BLTP1: variants seen among roughly 807,000 people sequenced by gnomAD.
The protein encoded by BLTP1 is bridge-like lipid transfer protein family member 1.
chr4:122,208,989 A>T, the BLTP1 span: 2 of 534,778 alleles, frequency 3.7e-6, no homozygotes, highest in African/African-American at 2.1e-5. Context: ...GACCATTAAA[A>T]AAAAAAAAAA....
chr4:122,162,960 A>T, the BLTP1 span, among the ~76,000 whole-genome samples: 1 of 152,184 alleles, frequency 6.6e-6, no homozygotes, highest in Non-Finnish European at 1.5e-5. Context: ...GCACATATGT[A>T]TGCTCTGGAT....
chr4:122,310,341 C>T, the BLTP1 span, among the ~76,000 whole-genome samples: 1 of 151,882 alleles, frequency 6.6e-6, no homozygotes, highest in Non-Finnish European at 1.5e-5. Context: ...CCCTTTTAGG[C>T]TATTTGCTGG....
chr4:122,358,091 A>G, the BLTP1 span, among the ~76,000 whole-genome samples: 7 of 152,228 alleles, frequency 4.6e-5, no homozygotes, highest in Non-Finnish European at 8.8e-5. Flanking sequence ...ATAAGTAGAT[A>G]AAATCTTCAC....
chr4:122,204,179 C>T, the BLTP1 span, among the ~76,000 whole-genome samples: 5 of 151,802 alleles, frequency 3.3e-5, no homozygotes, highest in South Asian at 1.0e-3. Flanking sequence ...TGAAACAATA[C>T]CAGACATTAT....
the BLTP1 span, among the ~76,000 whole-genome samples, chr4:122,262,276 A>G: frequency 2.0e-5 from 3 of 151,994 alleles, no homozygotes; most frequent in East Asian, 1.9e-4. Flanking sequence ...AGTGATATAA[A>G]TATTTCAGGC....
the BLTP1 span, chr4:122,362,209 G>A: frequency 6.2e-7 from 1 of 1,612,922 alleles, no homozygotes; most frequent in Admixed American, 1.7e-5. Context: ...ACTACAGGAT[G>A]AAAAGGAAAA....
At chr4:122,333,537 T>C in the BLTP1 span, 2 of 1,336,514 alleles carry the variant, frequency 1.5e-6, no homozygotes, top group South Asian at 1.6e-5. Context: ...ATTAGCCCTT[T>C]GTCAGATGAG....
the BLTP1 span, chr4:122,223,184 T>G: frequency 2.1e-6 from 2 of 965,850 alleles, no homozygotes; most frequent in Non-Finnish European, 2.5e-6. Context: ...GTGATTATTG[T>G]AGTCACAATT....
At chr4:122,349,178 A>G in the BLTP1 span, 3 of 1,610,454 alleles carry the variant, frequency 1.9e-6, no homozygotes, top group African/African-American at 1.3e-5. The surrounding 1 kb of genome is among the most constrained non-coding windows in gnomAD (Gnocchi z 4.5). Flanking sequence ...AGTGGTTTGA[A>G]GAGCCAGGGC....
the BLTP1 span, chr4:122,249,442 TTA>T: frequency 1.2e-6 from 2 of 1,601,836 alleles, no homozygotes; most frequent in Non-Finnish European, 1.7e-6. Context: ...TAATGTAAGC[TTA>T]TGTCTTTAAA....
the BLTP1 span, chr4:122,194,739 T>G: frequency 1.3e-6 from 1 of 788,196 alleles, no homozygotes. Context: ...GTATTTTTCA[T>G]AAATTTTAGG....
the BLTP1 span, among the ~76,000 whole-genome samples, chr4:122,206,355 A>G: frequency 6.6e-6 from 1 of 151,950 alleles, no homozygotes; most frequent in South Asian, 2.1e-4. Context: ...AAACAGATAG[A>G]TGATAGAAAG....
the BLTP1 span, chr4:122,305,636 G>A: frequency 1.0e-6 from 1 of 961,626 alleles, no homozygotes. Context: ...TTTAGAATAT[G>A]GACCTCATCC....
chr4:122,265,377 A>G, the BLTP1 span, among the ~76,000 whole-genome samples: 6 of 152,158 alleles, frequency 3.9e-5, no homozygotes. Context: ...TTTAATTGTT[A>G]CATTGTTATA....
chr4:122,267,419 A>G, the BLTP1 span, among the ~76,000 whole-genome samples: 2 of 152,160 alleles, frequency 1.3e-5, no homozygotes, highest in Non-Finnish European at 2.9e-5. Flanking sequence ...AGTAGTAGCC[A>G]CATTTTCTTA....
the BLTP1 span, chr4:122,248,177 G>T: frequency 1.1e-6 from 1 of 935,084 alleles, no homozygotes; most frequent in Non-Finnish European, 1.3e-6. Flanking sequence ...GGTTTTCAAG[G>T]GACTTTTCAT....
At chr4:122,170,048 T>A in the BLTP1 span, 1 of 955,274 alleles carries the variant, frequency 1.0e-6, no homozygotes, top group Non-Finnish European at 1.2e-6. Flanking sequence ...GGCTCACGCA[T>A]GTAATCCCAG....
the BLTP1 span, chr4:122,242,939 G>A: frequency 2.0e-6 from 2 of 1,015,136 alleles, no homozygotes; most frequent in Non-Finnish European, 3.1e-6. Context: ...TATATCAGTT[G>A]ATATCATAAA....
the BLTP1 span, chr4:122,347,899 CA>C: frequency 0.33 from 129,838 of 392,944 alleles, 2,473 homozygotes; most frequent in Non-Finnish European, 0.35. Context: ...TATGACACGT[CA>C]AAAAAAAAAA....
Sources: allele counts gnomAD v4.1 joint callset (sites outside exome capture counted in the v4.1 genomes callset), GRCh38; gene constraint gnomAD v4.1.1; non-coding constraint Gnocchi (gnomAD v3.1); transcripts MANE v1.5; gene names NCBI Gene and HGNC (gene_info 2026-07-23, HGNC 2026-07-21).